DERA: variants seen among roughly 807,000 people sequenced by gnomAD.
DERA encodes the protein 2-deoxy-D-ribose 5-phosphate aldolase.
DERA carries 15 observed loss-of-function variants against 41.1 expected under a neutral mutation model. That is an observed-to-expected ratio of 0.37 (90% CI 0.24 to 0.56). The LOEUF (loss-of-function observed/expected upper bound fraction) is 0.56. DERA is among the 20% of genes least tolerant of loss of function. The probability of loss-of-function intolerance (pLI) is 0.81; values close to 1 mark genes in which losing one functional copy is unlikely to be tolerated. For synonymous variants in DERA, 139 were observed against 137.4 expected, an observed-to-expected ratio of 1.01 and a Z score of -0.08; for missense variants, 396 against 403.4, an observed-to-expected ratio of 0.98 and a Z score of 0.16.
At position 16,035,168 on chromosome 12, in the gene DERA, G is replaced by A. The variant is rs962267110; in HGVS notation, c.751-1064G>A. On this transcript the variant is annotated intron_variant, in intron 7 of 8. Coordinates refer to ENST00000428559, the MANE Select transcript of DERA (RefSeq NM_015954.4). The surrounding 1 kb of genome is among the most constrained non-coding windows in gnomAD (Gnocchi z 4.1). ...TGTGAGGGGGTAAGGAAGGTAAGGAGGTAGAATTGTCAGGACTTAAATATT... is the reference window on the plus strand; with the variant it reads ...TGTGAGGGGGTAAGGAAGGTAAGGAAGTAGAATTGTCAGGACTTAAATATT... Among the ~76,000 whole-genome samples, 1 of 152,202 alleles carries A rather than the reference G, an allele frequency of 6.6e-6. No homozygotes were observed. The highest frequency in any genetic ancestry group is 2.4e-5 in the African/African-American group (1 of 41,452).
intron 1 of DERA, among the ~76,000 whole-genome samples, chr12:15,914,215 C>G (rs1280854015): frequency 6.6e-6 from 1 of 152,012 alleles, no homozygotes; most frequent in Non-Finnish European, 1.5e-5. Context: ...AACCCTATCT[C>G]TACTAAAAAT....
intron 1 of DERA, among the ~76,000 whole-genome samples, chr12:15,953,427 C>T (rs1948513608): frequency 6.6e-6 from 1 of 151,932 alleles, no homozygotes; most frequent in African/African-American, 2.4e-5. Flanking sequence ...AAAATGACCT[C>T]CATCTCCACT....
rs1186328433 is a variant in DERA, at chr12:15,988,314, G to C, written c.637+5878G>C. ...TGAGTTCTTGTCCTGTGTCCAGGAAGAAAGAAGTACTTGGACAACTGGAGG... is the reference window on the plus strand; with the variant it reads ...TGAGTTCTTGTCCTGTGTCCAGGAACAAAGAAGTACTTGGACAACTGGAGG... On this transcript the variant is annotated intron_variant, in intron 6 of 8. Transcript: ENST00000428559. The surrounding 1 kb of genome is among the most constrained non-coding windows in gnomAD (Gnocchi z 6.0). 1.3e-5 allele frequency among the ~76,000 whole-genome samples: 2 copies of C among 152,186 alleles called. No homozygotes were observed. Among genetic ancestry groups the C allele is most frequent in the Admixed American group, 1.3e-4 (2 of 15,286 alleles).
intron 3 of DERA, 32 bp downstream of exon 3, chr12:15,958,367 T>C: frequency 6.4e-7 from 1 of 1,562,204 alleles, no homozygotes; most frequent in Non-Finnish European, 8.7e-7. Context: ...TATGTGGTGT[T>C]TAGTGCTTAC....
rs776485968 is a variant in DERA at position 16,019,915 on chromosome 12, T to C, written c.638-12627T>C. 4.6e-5 allele frequency among the ~76,000 whole-genome samples: 7 copies of C among 152,172 alleles called. No individual in the cohort carries two copies. The highest frequency in any genetic ancestry group is 8.8e-5 in the Non-Finnish European group (6 of 68,038). ...ATCATGGAGGTAGATCCTTCATGAATGGCTTTAGCACCATCCCTTTTGGTG... is the reference window on the plus strand; with the variant it reads ...ATCATGGAGGTAGATCCTTCATGAACGGCTTTAGCACCATCCCTTTTGGTG... On this transcript the variant is annotated intron_variant, in intron 6 of 8. Coordinates refer to ENST00000428559, the MANE Select transcript of DERA (RefSeq NM_015954.4). The surrounding 1 kb of genome is among the most constrained non-coding windows in gnomAD (Gnocchi z 4.4).
rs929425125 is a variant in DERA at position 16,017,193 on chromosome 12, C to T, written c.638-15349C>T. ...GGAAGAAATGTGGTTATCATAAGAT[C>T]ATCTTTCCTTTGGGGCATTGGAGAT... is the stretch of plus-strand genomic sequence containing the variant. On this transcript the variant is annotated intron_variant, in intron 6 of 8. Coordinates refer to ENST00000428559, the MANE Select transcript of DERA (RefSeq NM_015954.4). This position sits in a 1 kb window ranked among gnomAD's most constrained non-coding sequence, Gnocchi z 5.5. Among the ~76,000 whole-genome samples the T allele has an allele frequency of 1.3e-5, 2 of 152,154 alleles. No individual in the cohort carries two copies. The highest frequency in any genetic ancestry group is 2.9e-5 in the Non-Finnish European group (2 of 68,030).
chr12:15,920,746 G>C (rs1269726117), intron 1 of DERA, among the ~76,000 whole-genome samples: 1 of 152,224 alleles, frequency 6.6e-6, no homozygotes, highest in Non-Finnish European at 1.5e-5. Context: ...TGAGGCAGGA[G>C]AATTGCTTGA....
rs1242147311 is a variant in DERA at position 16,021,363 on chromosome 12, T to C, written c.638-11179T>C. Among the ~76,000 whole-genome samples, 1 of 152,172 alleles carries C rather than the reference T, an allele frequency of 6.6e-6. No homozygotes were observed. The highest frequency in any genetic ancestry group is 1.9e-4 in the East Asian group (1 of 5,196). ...AAGTTGTAAGCCTTGCTGGTTTCTA[T>C]GTGATGTTAAGCCTTGAGGTTCATG... On this transcript the variant is annotated intron_variant, in intron 6 of 8. Transcript: ENST00000428559. The surrounding 1 kb of genome is among the most constrained non-coding windows in gnomAD (Gnocchi z 5.3).
chr12:15,942,835 A>G lies in DERA; in HGVS notation c.32-14101A>G, dbSNP rs550273871. Among the ~76,000 whole-genome samples the G allele has an allele frequency of 1.2e-4, 18 of 152,322 alleles. No homozygotes were observed. The South Asian group carries it at 2.3e-3, about 19-fold the overall frequency. ...GAGAAGAGAAGCTGGAGTCTCCCAAATGCATCTTGGTTTATTTTCAACTTT... is the reference window on the plus strand; with the variant it reads ...GAGAAGAGAAGCTGGAGTCTCCCAAGTGCATCTTGGTTTATTTTCAACTTT... On this transcript the variant is annotated intron_variant, in intron 1 of 8. Transcript: ENST00000428559.
Position 16,011,103 on chromosome 12 carries a change from C to T in DERA, c.638-21439C>T, listed in dbSNP as rs1948943962. ...TTCTTCAATTTGAGTAATTTTCTCT[C>T]AAGTTAATAGATTCCACACAAGCAT... On this transcript the variant is annotated intron_variant, in intron 6 of 8. Transcript: ENST00000428559. The surrounding 1 kb of genome is among the most constrained non-coding windows in gnomAD (Gnocchi z 4.7). Among the ~76,000 whole-genome samples, 1 of 152,124 alleles carries T rather than the reference C, an allele frequency of 6.6e-6. No individual in the cohort carries two copies. The highest frequency in any genetic ancestry group is 6.5e-5 in the Admixed American group (1 of 15,268).
chr12:15,926,742 G>GAAAA (rs71051274), intron 1 of DERA, among the ~76,000 whole-genome samples: 4 of 120,476 alleles, frequency 3.3e-5, no homozygotes, highest in Admixed American at 8.8e-5. Context: ...GTCTCAAAAA[G>GAAAA]AAAAAAAAAA....
intron 1 of DERA, among the ~76,000 whole-genome samples, chr12:15,942,548 A>T (rs1948416094): frequency 6.6e-6 from 1 of 152,154 alleles, no homozygotes; most frequent in Non-Finnish European, 1.5e-5. Flanking sequence ...AAGGCAAGAG[A>T]TGGGGATCCA....
At position 15,984,315 on chromosome 12, in the gene DERA, C is replaced by A. The variant is rs111961545; in HGVS notation, c.637+1879C>A. Among the ~76,000 whole-genome samples, 1 of 152,136 alleles carries A rather than the reference C, an allele frequency of 6.6e-6. No individual in the cohort carries two copies. The highest frequency in any genetic ancestry group is 1.5e-5 in the Non-Finnish European group (1 of 68,022). ...ATACAAATGTGGTATTAGGTCATCA[C>A]GCTTTGGAAGCTGTGTCCCACCCTC... On this transcript the variant is annotated intron_variant, in intron 6 of 8. Transcript: ENST00000428559. This position sits in a 1 kb window ranked among gnomAD's most constrained non-coding sequence, Gnocchi z 4.5.
At chr12:16,022,641 T>C (rs764617346) in intron 6 of DERA, among the ~76,000 whole-genome samples, 3 of 152,076 alleles carry the variant, frequency 2.0e-5, no homozygotes, top group African/African-American at 4.8e-5. Flanking sequence ...TAACTGAAAA[T>C]GAGTGACTTT....
Position 15,921,318 on chromosome 12 carries a change from T to C in DERA, c.31+9904T>C, listed in dbSNP as rs1948243036. ...AGGATATAATCAGTGTTCTTGATGA[T>C]TTTGGAAATTGACATAAGGATATCT... On this transcript the variant is annotated intron_variant, in intron 1 of 8. Transcript: ENST00000428559. This position sits in a 1 kb window ranked among gnomAD's most constrained non-coding sequence, Gnocchi z 5.3. Among the ~76,000 whole-genome samples the C allele has an allele frequency of 6.6e-6, 1 of 152,118 alleles. No homozygotes were observed. Among genetic ancestry groups the C allele is most frequent in the Non-Finnish European group, 1.5e-5 (1 of 68,024 alleles).
At chr12:15,958,898 G>A (rs1164701008) in intron 3 of DERA, among the ~76,000 whole-genome samples, 2 of 152,294 alleles carry the variant, frequency 1.3e-5, no homozygotes, top group East Asian at 3.9e-4. Flanking sequence ...TTGGACACCT[G>A]TAAGAATTGA....
intron 1 of DERA, among the ~76,000 whole-genome samples, chr12:15,942,757 C>G (rs1948417670): frequency 6.6e-6 from 1 of 152,214 alleles, no homozygotes; most frequent in Admixed American, 6.5e-5. Context: ...TAAAGTAACA[C>G]TATTCACTGC....
rs1948305581 is a variant in DERA, at chr12:15,928,732, A to G, written c.31+17318A>G. Reference sequence around the variant, plus strand: ...GGCTCTCACTAAAGTGTGAAAGCCTATTGGTGTAAATAGCTTTTTCCTGGG... The same window carrying G: ...GGCTCTCACTAAAGTGTGAAAGCCTGTTGGTGTAAATAGCTTTTTCCTGGG... On this transcript the variant is annotated intron_variant, in intron 1 of 8. Coordinates refer to ENST00000428559, the MANE Select transcript of DERA (RefSeq NM_015954.4). This position sits in a 1 kb window ranked among gnomAD's most constrained non-coding sequence, Gnocchi z 4.6. Among the ~76,000 whole-genome samples, 1 of 152,196 alleles carries G rather than the reference A, an allele frequency of 6.6e-6. No individual in the cohort carries two copies. Among genetic ancestry groups the G allele is most frequent in the Admixed American group, 6.5e-5 (1 of 15,284 alleles).
chr12:15,995,189 CACTTT>C lies in DERA; in HGVS notation c.637+12759_637+12763del, dbSNP rs981794824. On this transcript the variant is annotated intron_variant, in intron 6 of 8. Transcript: ENST00000428559. The surrounding 1 kb of genome is among the most constrained non-coding windows in gnomAD (Gnocchi z 5.1). Reference sequence around the variant, plus strand: ...AGGCCCTGAATGAGATTGTATGTTGCACTTTACTTTTCTGTTGAGGGCAAGAAAAG... The same window carrying C: ...AGGCCCTGAATGAGATTGTATGTTGCACTTTTCTGTTGAGGGCAAGAAAAG... Among the ~76,000 whole-genome samples the C allele has an allele frequency of 6.6e-6, 1 of 152,158 alleles. No homozygotes were observed. Among genetic ancestry groups the C allele is most frequent in the African/African-American group, 2.4e-5 (1 of 41,426 alleles).
Sources: gnomAD v4.1 joint callset for allele counts (sites outside exome capture counted in the v4.1 genomes callset) on GRCh38, gnomAD v4.1.1 for gene constraint, Gnocchi (gnomAD v3.1) non-coding constraint, MANE v1.5 for transcripts, NCBI Gene and HGNC (gene_info 2026-07-23, HGNC 2026-07-21) for gene names.